DRC11: variants seen among roughly 807,000 people sequenced by gnomAD.
DRC11 encodes dynein regulatory complex subunit 11.
chr2:236,344,625 G>A, the DRC11 span: 1 of 1,613,562 alleles, frequency 6.2e-7, no homozygotes, highest in Non-Finnish European at 8.5e-7. Context: ...ACCACGGAGG[G>A]CTGGAGCTGT....
the DRC11 span, among the ~76,000 whole-genome samples, chr2:236,459,636 C>CGTATATACGTATATACGTATATACATAT: frequency 3.0e-5 from 4 of 132,936 alleles, no homozygotes; most frequent in African/African-American, 1.1e-4. Flanking sequence ...TACGTATATA[C>CGTATATACGTATATACGTATATACATAT]GTATATACGT....
chr2:236,423,504 C>A, the DRC11 span, among the ~76,000 whole-genome samples: 1 of 152,208 alleles, frequency 6.6e-6, no homozygotes, highest in Non-Finnish European at 1.5e-5. Flanking sequence ...CAATGAGATA[C>A]CATCTCACAC....
At chr2:236,328,170 A>AT in the DRC11 span, among the ~76,000 whole-genome samples, 1 of 151,918 alleles carries the variant, frequency 6.6e-6, no homozygotes, top group Admixed American at 6.6e-5. This position sits in a 1 kb window ranked among gnomAD's most constrained non-coding sequence, Gnocchi z 6.7. Flanking sequence ...GTGGCTCATA[A>AT]TTTTTTATTA....
chr2:236,352,615 A>G, the DRC11 span, among the ~76,000 whole-genome samples: 1 of 152,268 alleles, frequency 6.6e-6, no homozygotes, highest in Non-Finnish European at 1.5e-5. This position sits in a 1 kb window ranked among gnomAD's most constrained non-coding sequence, Gnocchi z 7.0. Context: ...TGGCATAAAC[A>G]ACACCTCTTC....
At chr2:236,419,192 T>C in the DRC11 span, 3 of 1,544,116 alleles carry the variant, frequency 1.9e-6, no homozygotes, top group East Asian at 4.9e-5. The surrounding 1 kb of genome is among the most constrained non-coding windows in gnomAD (Gnocchi z 4.8). Context: ...TTTGGCTTTC[T>C]TGGGTTGTTT....
At chr2:236,498,735 C>T in the DRC11 span, among the ~76,000 whole-genome samples, 3 of 152,158 alleles carry the variant, frequency 2.0e-5, no homozygotes, top group East Asian at 3.9e-4. Flanking sequence ...GCCGGTTTCC[C>T]GAGACTATGT....
At chr2:236,361,514 G>A in the DRC11 span, among the ~76,000 whole-genome samples, 9 of 152,216 alleles carry the variant, frequency 5.9e-5, no homozygotes, top group East Asian at 1.9e-4. The surrounding 1 kb of genome is among the most constrained non-coding windows in gnomAD (Gnocchi z 5.7). Context: ...GATGTAAAAT[G>A]TATAATAAGA....
chr2:236,452,418 GGTCCCCCCCAA>G, the DRC11 span, among the ~76,000 whole-genome samples: 1 of 152,204 alleles, frequency 6.6e-6, no homozygotes, highest in Middle Eastern at 3.4e-3. This position sits in a 1 kb window ranked among gnomAD's most constrained non-coding sequence, Gnocchi z 4.7. Context: ...GTTTCCAGCC[GGTCCCCCCCAA>G]GTCATCCAGC....
the DRC11 span, among the ~76,000 whole-genome samples, chr2:236,430,231 C>T: frequency 6.0e-5 from 9 of 151,204 alleles, no homozygotes; most frequent in Admixed American, 5.9e-4. The surrounding 1 kb of genome is among the most constrained non-coding windows in gnomAD (Gnocchi z 6.0). Flanking sequence ...ACACAGAGCA[C>T]ACTGGCATTG....
At chr2:236,358,115 A>G in the DRC11 span, among the ~76,000 whole-genome samples, 1 of 120,198 alleles carries the variant, frequency 8.3e-6, no homozygotes, top group Non-Finnish European at 1.6e-5. Context: ...TATATTATAC[A>G]CTATATGAAT....
chr2:236,362,843 G>A, the DRC11 span, among the ~76,000 whole-genome samples: 6 of 152,168 alleles, frequency 3.9e-5, no homozygotes, highest in Non-Finnish European at 8.8e-5. This position sits in a 1 kb window ranked among gnomAD's most constrained non-coding sequence, Gnocchi z 5.7. Flanking sequence ...AGGAGAGTGG[G>A]ATGTCCTGAG....
the DRC11 span, among the ~76,000 whole-genome samples, chr2:236,309,789 C>G: frequency 6.7e-6 from 1 of 149,076 alleles, no homozygotes; most frequent in Non-Finnish European, 1.5e-5. This position sits in a 1 kb window ranked among gnomAD's most constrained non-coding sequence, Gnocchi z 5.7. Flanking sequence ...TCAACTGGAC[C>G]CCGGGCAGGT....
At chr2:236,376,404 TGGG>T in the DRC11 span, among the ~76,000 whole-genome samples, 1 of 152,180 alleles carries the variant, frequency 6.6e-6, no homozygotes, top group Non-Finnish European at 1.5e-5. The surrounding 1 kb of genome is among the most constrained non-coding windows in gnomAD (Gnocchi z 5.7). Context: ...TCAGGACAAT[TGGG>T]AAAGCTGAAG....
the DRC11 span, among the ~76,000 whole-genome samples, chr2:236,396,403 C>T: frequency 6.6e-6 from 1 of 151,854 alleles, no homozygotes; most frequent in Non-Finnish European, 1.5e-5. Context: ...ACATTTAATT[C>T]CTTGAAGTTA....
the DRC11 span, chr2:236,380,681 A>G: frequency 7.2e-7 from 1 of 1,379,458 alleles, no homozygotes; most frequent in East Asian, 2.5e-5. The surrounding 1 kb of genome is among the most constrained non-coding windows in gnomAD (Gnocchi z 4.9). Flanking sequence ...CAAAACAAGC[A>G]AGCAAATAAG....
chr2:236,380,881 C>A, the DRC11 span, among the ~76,000 whole-genome samples: 40 of 152,268 alleles, frequency 2.6e-4, no homozygotes, highest in African/African-American at 8.9e-4. The surrounding 1 kb of genome is among the most constrained non-coding windows in gnomAD (Gnocchi z 4.9). Context: ...TTGCACAGGG[C>A]CAAATTCCAA....
the DRC11 span, among the ~76,000 whole-genome samples, chr2:236,441,782 G>A: frequency 6.6e-6 from 1 of 152,166 alleles, no homozygotes; most frequent in Non-Finnish European, 1.5e-5. Context: ...CAGAAGTACA[G>A]AATCTGAGGT....
chr2:236,417,086 TCTCGAA>T, the DRC11 span, among the ~76,000 whole-genome samples: 1 of 151,594 alleles, frequency 6.6e-6, no homozygotes, highest in Non-Finnish European at 1.5e-5. Flanking sequence ...GCCAGGCTGG[TCTCGAA>T]CTCCTGACCT....
the DRC11 span, among the ~76,000 whole-genome samples, chr2:236,435,351 G>A: frequency 6.6e-6 from 1 of 152,232 alleles, no homozygotes; most frequent in African/African-American, 2.4e-5. Context: ...GGCTCTGGCC[G>A]GCCGCCTGCC....
Sources: allele counts gnomAD v4.1 joint callset (sites outside exome capture counted in the v4.1 genomes callset), GRCh38; gene constraint gnomAD v4.1.1; non-coding constraint Gnocchi (gnomAD v3.1); transcripts MANE v1.5; gene names NCBI Gene and HGNC (gene_info 2026-07-23, HGNC 2026-07-21).